NAALADL2: variants seen among roughly 807,000 people sequenced by gnomAD.
The protein encoded by NAALADL2 is inactive N-acetylated-alpha-linked acidic dipeptidase-like protein 2.
In NAALADL2, 76 loss-of-function variants were observed where a neutral mutation model predicts 87.2. That is an observed-to-expected ratio of 0.87 (90% CI 0.72 to 1.05). The LOEUF (loss-of-function observed/expected upper bound fraction) is 1.05, where lower values mean the gene tolerates loss of function less well. Ranked by LOEUF, NAALADL2 falls within the 50% of genes least tolerant of loss-of-function variation. The pLI is 0.00. For synonymous variants in NAALADL2, 354 were observed against 331.0 expected, an observed-to-expected ratio of 1.07 and a Z score of -0.75; for missense variants, 1,089 against 945.8, an observed-to-expected ratio of 1.15 and a Z score of -1.99.
intron 5 of NAALADL2, among the ~76,000 whole-genome samples, chr3:175,345,248 C>T (rs576967228): frequency 4.8e-5 from 4 of 83,506 alleles, no homozygotes; most frequent in African/African-American, 1.9e-4. Flanking sequence ...TCCTAAGGTA[C>T]TAATACTTCA....
chr3:175,703,319 T>C (rs1739234129), intron 11 of NAALADL2, among the ~76,000 whole-genome samples: 1 of 152,186 alleles, frequency 6.6e-6, no homozygotes, highest in African/African-American at 2.4e-5. Flanking sequence ...TCAAACTGTC[T>C]AGGGATTCCC....
intron 2 of NAALADL2, among the ~76,000 whole-genome samples, chr3:175,176,607 G>T (rs1322598415): frequency 6.6e-6 from 1 of 152,082 alleles, no homozygotes; most frequent in East Asian, 1.9e-4. Context: ...AGTGGGGTGG[G>T]CCTCTCTCTG....
At chr3:175,256,552 C>A in intron 4 of NAALADL2, 22 bp downstream of exon 4, 1 of 1,603,184 alleles carries the variant, frequency 6.2e-7, no homozygotes, top group South Asian at 1.1e-5. Context: ...GAATGTTATT[C>A]AGTGGTTTGG....
intron 3 of NAALADL2, among the ~76,000 whole-genome samples, chr3:174,839,714 A>G (rs1432634370): frequency 6.6e-6 from 1 of 152,192 alleles, no homozygotes; most frequent in Admixed American, 6.5e-5. Context: ...TCAAAAGAAG[A>G]TATAGAAATG....
intron 3 of NAALADL2, among the ~76,000 whole-genome samples, chr3:174,810,290 C>T (rs1436218351): frequency 6.6e-6 from 1 of 151,976 alleles, no homozygotes; most frequent in African/African-American, 2.4e-5. Flanking sequence ...CAAGAAGATA[C>T]AGGAAAATTT....
chr3:175,157,914 C>G (rs1020022311), intron 2 of NAALADL2, among the ~76,000 whole-genome samples: 3 of 151,990 alleles, frequency 2.0e-5, no homozygotes, highest in Admixed American at 6.6e-5. Flanking sequence ...TTTAATTTAT[C>G]AAAATCTAAT....
chr3:175,270,942 T>C (rs1217123996), intron 4 of NAALADL2: 1 of 152,168 alleles, frequency 6.6e-6, no homozygotes, highest in Admixed American at 6.5e-5. Context: ...ATAAGAAATA[T>C]GTTTGGGATT....
intron 13 of NAALADL2, among the ~76,000 whole-genome samples, chr3:175,764,919 T>C (rs927485626): frequency 6.6e-6 from 1 of 152,158 alleles, no homozygotes; most frequent in East Asian, 1.9e-4. Flanking sequence ...AAGGACCTCA[T>C]GTTCCGTGTT....
intron 5 of NAALADL2, among the ~76,000 whole-genome samples, chr3:175,420,577 C>T (rs899695506): frequency 1.3e-5 from 2 of 151,966 alleles, no homozygotes; most frequent in South Asian, 2.1e-4. Flanking sequence ...CAGCATATAA[C>T]AAAGCTAATA....
At chr3:174,515,936 A>G (rs1719913542) in intron 1 of NAALADL2, among the ~76,000 whole-genome samples, 2 of 152,108 alleles carry the variant, frequency 1.3e-5, no homozygotes, top group Admixed American at 1.3e-4. Flanking sequence ...AAGAAGTTGT[A>G]GATTAGGAGG....
Position 174,806,763 on chromosome 3 carries a change from G to C in NAALADL2, c.-9+69017G>C, listed in dbSNP as rs73051847. Among the ~76,000 whole-genome samples, 1,477 of 152,212 alleles carry C rather than the reference G, an allele frequency of 9.7e-3. 20 individuals are homozygous for C. The highest frequency in any genetic ancestry group is 0.033 in the African/African-American group (1,391 of 41,532). On this transcript the variant is annotated intron_variant, in intron 3 of 3. Coordinates refer to the NAALADL2 transcript ENST00000434257. The stretch of plus-strand genomic sequence containing the variant: ...TGACAGAATTTTCAGAAAGACATTA[G>C]TGTTTTTCAAGCTATGTATATCCAA...
At chr3:174,480,265 C>G (rs1282942761) in intron 1 of NAALADL2, among the ~76,000 whole-genome samples, 2 of 152,082 alleles carry the variant, frequency 1.3e-5, no homozygotes, top group African/African-American at 4.8e-5. Context: ...AGAGAAGACT[C>G]CTCATGGGAG....
In NAALADL2 at chr3:175,262,575, A is replaced by AGTGTGTGTGTGT. The variant is rs71164625; in HGVS notation, c.939+6068_939+6079dup. ...ACAGATAAAATATTCATGTTGTGTG[A>AGTGTGTGTGTGT]GTGTGTGTGTGTGTGTGTGTGTGTG... is the stretch of plus-strand genomic sequence containing the variant. On this transcript the variant is annotated intron_variant, in intron 4 of 13. Transcript: ENST00000454872. Among the ~76,000 whole-genome samples, 1,084 of 147,114 alleles carry AGTGTGTGTGTGT rather than the reference A, an allele frequency of 7.4e-3. 10 individuals are homozygous for AGTGTGTGTGTGT. Among genetic ancestry groups the AGTGTGTGTGTGT allele is most frequent in the South Asian group, 0.021 (98 of 4,624 alleles).
chr3:174,620,418 G>A (rs2108663721), intron 2 of NAALADL2, among the ~76,000 whole-genome samples: 1 of 147,806 alleles, frequency 6.8e-6, no homozygotes, highest in East Asian at 1.9e-4. Flanking sequence ...ACTACTTTCA[G>A]TTTATGTGTG....
chr3:174,799,990 T>TA (rs36028460), intron 3 of NAALADL2, among the ~76,000 whole-genome samples: 13,071 of 152,136 alleles, frequency 0.086, 605 homozygotes, highest in Middle Eastern at 0.16. Context: ...AGAGAGATGA[T>TA]ATAGGGTATC....
intron 1 of NAALADL2, among the ~76,000 whole-genome samples, chr3:174,498,574 TG>T (rs1386937676): frequency 2.0e-5 from 3 of 150,728 alleles, no homozygotes; most frequent in Non-Finnish European, 4.4e-5. Flanking sequence ...ATGGCAGGAT[TG>T]CATAATATGT....
At chr3:175,689,287 G>A (rs892327822) in intron 11 of NAALADL2, among the ~76,000 whole-genome samples, 1 of 152,082 alleles carries the variant, frequency 6.6e-6, no homozygotes, top group African/African-American at 2.4e-5. Flanking sequence ...ATTTTAAAAT[G>A]ATGAGATCAT....
chr3:174,985,624 G>C (rs1579868582), intron 1 of NAALADL2, among the ~76,000 whole-genome samples: 1 of 152,148 alleles, frequency 6.6e-6, no homozygotes, highest in South Asian at 2.1e-4. Flanking sequence ...TATTATATTG[G>C]ATGAGATTTG....
chr3:175,393,389 A>T (rs976837194), intron 5 of NAALADL2, among the ~76,000 whole-genome samples: 1 of 151,544 alleles, frequency 6.6e-6, no homozygotes, highest in East Asian at 1.9e-4. Context: ...TTAATATACA[A>T]ATGCAAAGTA....
Sources: allele counts gnomAD v4.1 joint callset (sites outside exome capture counted in the v4.1 genomes callset), GRCh38; gene constraint gnomAD v4.1.1; transcripts MANE v1.5; gene names NCBI Gene and HGNC (gene_info 2026-07-23, HGNC 2026-07-21).